The following CSMD2 variants were observed in gnomAD, a reference collection of about 807,000 sequenced individuals.
CSMD2 encodes CUB and Sushi multiple domains 2, also known as CUB and sushi domain-containing protein 2.
CSMD2 carries 130 observed loss-of-function variants against 398.5 expected under a neutral mutation model. The observed-to-expected ratio is 0.33, with a 90% confidence interval of 0.28 to 0.38. The LOEUF is 0.38. Ranked by LOEUF, CSMD2 falls within the 10% of genes least tolerant of loss-of-function variation. The pLI is 1.00. For synonymous variants in CSMD2, 1,828 were observed against 1,908.5 expected, an observed-to-expected ratio of 0.96 and a Z score of 1.10; for missense variants, 3,829 against 4,764.9, an observed-to-expected ratio of 0.80 and a Z score of 5.78.
chr1:33,938,879 C>A (rs1274292360), intron 3 of CSMD2, among the ~76,000 whole-genome samples: 1 of 150,324 alleles, frequency 6.7e-6, no homozygotes. Flanking sequence ...TTCCCATAAT[C>A]CCATGTTGCT....
chr1:34,103,691 A>G (rs917300065), intron 1 of CSMD2, among the ~76,000 whole-genome samples: 1 of 152,178 alleles, frequency 6.6e-6, no homozygotes, highest in African/African-American at 2.4e-5. Flanking sequence ...TGAGTGAGTG[A>G]AATGAATTAA....
At chr1:33,526,702 C>T (rs1654807262) in intron 65 of CSMD2, among the ~76,000 whole-genome samples, 1 of 152,196 alleles carries the variant, frequency 6.6e-6, no homozygotes, top group Non-Finnish European at 1.5e-5. Context: ...GCATAATACA[C>T]ATGTTAATGT....
At chr1:33,736,335 G>A (rs1483900162) in intron 15 of CSMD2, among the ~76,000 whole-genome samples, 1 of 152,076 alleles carries the variant, frequency 6.6e-6, no homozygotes, top group Non-Finnish European at 1.5e-5. Flanking sequence ...CAAAAAATTA[G>A]CTGGGTGTGG....
intron 1 of CSMD2, among the ~76,000 whole-genome samples, chr1:34,110,593 T>A (rs1660981993): frequency 6.6e-6 from 1 of 151,976 alleles, no homozygotes; most frequent in Non-Finnish European, 1.5e-5. Flanking sequence ...AAGCTAGAAG[T>A]CATTATCCTT....
chr1:33,734,439 C>T (rs1646818430), intron 15 of CSMD2, among the ~76,000 whole-genome samples: 4 of 152,130 alleles, frequency 2.6e-5, no homozygotes, highest in Admixed American at 1.3e-4. Context: ...TCACTGCAGC[C>T]TCTAATTCCC....
At chr1:33,576,318 C>A (rs1265738994) in intron 49 of CSMD2, among the ~76,000 whole-genome samples, 1 of 152,114 alleles carries the variant, frequency 6.6e-6, no homozygotes, top group African/African-American at 2.4e-5. Context: ...AGTCCAGGCG[C>A]GGTGGCTCAC....
chr1:33,803,740 T>C (rs757623031), intron 10 of CSMD2, among the ~76,000 whole-genome samples: 2 of 151,848 alleles, frequency 1.3e-5, no homozygotes, highest in Admixed American at 1.3e-4. Context: ...AGGTAACTGC[T>C]TCATCCTCCT....
Position 33,523,434 on chromosome 1 carries a change from T to C in CSMD2, c.10397-15A>G. Reference sequence around the variant, plus strand: ...CTTGTAAGTTCCTGGGAAATAAAGTTCAGGTGTTACACATGAAAGATATGG... The same window carrying C: ...CTTGTAAGTTCCTGGGAAATAAAGTCCAGGTGTTACACATGAAAGATATGG... On this transcript the variant is annotated splice_polypyrimidine_tract_variant and intron_variant, in intron 66 of 70. Coordinates refer to ENST00000373381, the MANE Select transcript of CSMD2 (RefSeq NM_001281956.2). 8.2e-7 allele frequency: 1 copy of C among 1,215,654 alleles called. No individual in the cohort carries two copies. Among genetic ancestry groups the C allele is most frequent in the Non-Finnish European group, 1.2e-6 (1 of 837,624 alleles). 75.3% of individuals were successfully genotyped at this position (1,215,654 alleles called of 1,614,324 possible). A position where few individuals can be genotyped will look rare whatever the true frequency, so the allele number is the denominator to read the frequency against.
intron 3 of CSMD2, among the ~76,000 whole-genome samples, chr1:34,024,496 G>A (rs1466272346): frequency 6.6e-6 from 1 of 152,230 alleles, no homozygotes; most frequent in Non-Finnish European, 1.5e-5. Context: ...TATTGAGGAC[G>A]TGATATGAAA....
At chr1:34,159,014 T>C (rs1557449710) in intron 1 of CSMD2, among the ~76,000 whole-genome samples, 1 of 152,158 alleles carries the variant, frequency 6.6e-6, no homozygotes, top group South Asian at 2.1e-4. Context: ...CCAGCTGCCC[T>C]TGGGAATGCC....
chr1:33,773,973 C>A (rs1651620906), intron 12 of CSMD2, among the ~76,000 whole-genome samples: 1 of 152,146 alleles, frequency 6.6e-6, no homozygotes, highest in African/African-American at 2.4e-5. Context: ...ACACTGGGGG[C>A]TTCTGTGGGC....
In CSMD2 at chr1:33,901,689, T is replaced by C. The variant is rs545476497; in HGVS notation, c.920+16405A>G. On this transcript the variant is annotated intron_variant, in intron 5 of 70. Coordinates refer to ENST00000373381, the MANE Select transcript of CSMD2 (RefSeq NM_001281956.2). ...TCCTTGAAAGGTTGAGACTTCCTAG[T>C]TCAGCATTGTAATCACAAAGCTTAT... 3.3e-5 allele frequency among the ~76,000 whole-genome samples: 5 copies of C among 152,324 alleles called. No homozygotes were observed. The South Asian group carries it at 1.0e-3, about 32-fold the overall frequency.
chr1:33,636,247 G>A lies in CSMD2; in HGVS notation c.4969+113C>T. 9.6e-7 allele frequency: 1 copy of A among 1,039,718 alleles called. No individual in the cohort carries two copies. Among genetic ancestry groups the A allele is most frequent in the South Asian group, 1.6e-5 (1 of 60,786 alleles). The allele number at this position is 1,039,718 out of a possible 1,614,324, so 64.4% of individuals were successfully genotyped here. A position where few individuals can be genotyped will look rare whatever the true frequency, so the allele number is the denominator to read the frequency against. ...CGGCAAACCCAGGTTTGCCAGGCTT[G>A]GAGGAGCCGGGCTTGAGGACCTTGC... On this transcript the variant is annotated intron_variant, in intron 30 of 70. Coordinates refer to ENST00000373381, the MANE Select transcript of CSMD2 (RefSeq NM_001281956.2). This position sits in a 1 kb window ranked among gnomAD's most constrained non-coding sequence, Gnocchi z 4.8.
intron 68 of CSMD2, 60 bp downstream of exon 68, chr1:33,521,403 A>G: frequency 2.6e-6 from 3 of 1,135,822 alleles, no homozygotes; most frequent in Non-Finnish European, 4.0e-6. Context: ...TGACCACGGC[A>G]CACACGGTTT....
At chr1:33,842,085 C>T (rs1660908793) in intron 6 of CSMD2, among the ~76,000 whole-genome samples, 1 of 152,016 alleles carries the variant, frequency 6.6e-6, no homozygotes, top group South Asian at 2.1e-4. Context: ...AAACTTCATC[C>T]CCCATCTGTT....
chr1:33,618,446 C>T (rs1196313348), intron 37 of CSMD2, among the ~76,000 whole-genome samples: 1 of 152,170 alleles, frequency 6.6e-6, no homozygotes, highest in Non-Finnish European at 1.5e-5. Flanking sequence ...ATCCAACTTT[C>T]TCATCCTGAT....
Position 34,131,722 on chromosome 1 carries a change from T to C in CSMD2, c.187+33189A>G, listed in dbSNP as rs916918814. 5.9e-5 allele frequency among the ~76,000 whole-genome samples: 9 copies of C among 152,138 alleles called. No homozygotes were observed. The South Asian group carries it at 1.9e-3, about 32-fold the overall frequency. On this transcript the variant is annotated intron_variant, in intron 1 of 70. Transcript: ENST00000373381. Reference sequence around the variant, plus strand: ...CCATCACCAAGTTACTCATTCCTGATCAGGCATAAAATTTCCTTCTTGTTT... The same window carrying C: ...CCATCACCAAGTTACTCATTCCTGACCAGGCATAAAATTTCCTTCTTGTTT...
intron 3 of CSMD2, among the ~76,000 whole-genome samples, chr1:34,018,588 T>C (rs1341574258): frequency 1.3e-5 from 2 of 152,224 alleles, no homozygotes; most frequent in Non-Finnish European, 2.9e-5. Context: ...CCTAATTTAA[T>C]AGGGATAAAG....
At position 34,015,792 on chromosome 1, in the gene CSMD2, C is replaced by T. The variant is rs74070226; in HGVS notation, c.517+16802G>A. 4.0e-3 allele frequency among the ~76,000 whole-genome samples: 606 copies of T among 152,254 alleles called. 12 individuals carry two copies. Among genetic ancestry groups the T allele is most frequent in the Middle Eastern group, 0.024 (7 of 294 alleles). On this transcript the variant is annotated intron_variant, in intron 3 of 70. Transcript: ENST00000373381. Reference sequence around the variant, plus strand: ...AAGTATTATAGATCCATTGGATTAGCGACTCCTAGATTTGTCATGGATTTT... The same window carrying T: ...AAGTATTATAGATCCATTGGATTAGTGACTCCTAGATTTGTCATGGATTTT...
Sources: gnomAD v4.1 joint callset for allele counts (sites outside exome capture counted in the v4.1 genomes callset) on GRCh38, gnomAD v4.1.1 for gene constraint, Gnocchi (gnomAD v3.1) non-coding constraint, MANE v1.5 for transcripts, NCBI Gene and HGNC (gene_info 2026-07-23, HGNC 2026-07-21) for gene names.